DLG2: variants seen among roughly 807,000 people sequenced by gnomAD.
DLG2 encodes the protein disks large homolog 2.
Under a neutral mutation model 132.5 loss-of-function variants are expected in DLG2, and 45 were observed. That is an observed-to-expected ratio of 0.34 (90% CI 0.27 to 0.44). The LOEUF is 0.44. Among genes scored for constraint, DLG2 ranks in the 20% least tolerant of loss-of-function variants. DLG2 has a pLI of 1.00. For missense variants in DLG2, 1,045 were observed against 1,196.9 expected (o/e 0.87, Z 1.87); for synonymous variants, 424 against 419.6 (o/e 1.01, Z -0.13).
chr11:85,236,591 G>A (rs2075599600), intron 4 of DLG2, among the ~76,000 whole-genome samples: 1 of 151,850 alleles, frequency 6.6e-6, no homozygotes, highest in African/African-American at 2.4e-5. Context: ...GAGGTAATGG[G>A]GATTAGGGCT....
At chr11:84,019,000 C>T (rs1234183132) in intron 11 of DLG2, among the ~76,000 whole-genome samples, 3 of 151,784 alleles carry the variant, frequency 2.0e-5, no homozygotes, top group Non-Finnish European at 4.4e-5. Context: ...AGAGAAAGAA[C>T]TGTGATTATA....
At chr11:83,746,091 G>C (rs1017368919) in intron 18 of DLG2, among the ~76,000 whole-genome samples, 2 of 152,142 alleles carry the variant, frequency 1.3e-5, no homozygotes, top group Non-Finnish European at 1.5e-5. Context: ...GTGCTGGAGA[G>C]GATGTGGAGA....
At chr11:85,534,630 G>A (rs977828021) in intron 3 of DLG2, among the ~76,000 whole-genome samples, 1 of 152,152 alleles carries the variant, frequency 6.6e-6, no homozygotes, top group Non-Finnish European at 1.5e-5. Context: ...AATTTGCTTA[G>A]GATAAGGGCC....
At chr11:84,399,107 T>C (rs144272321) in intron 7 of DLG2, among the ~76,000 whole-genome samples, 6 of 152,260 alleles carry the variant, frequency 3.9e-5, no homozygotes, top group Non-Finnish European at 8.8e-5. Context: ...GGTACACACA[T>C]CTCTTAGTCT....
chr11:85,283,627 T>G (rs927409733), intron 4 of DLG2, among the ~76,000 whole-genome samples: 4 of 151,766 alleles, frequency 2.6e-5, no homozygotes, highest in Non-Finnish European at 5.9e-5. Flanking sequence ...CCAATAATCA[T>G]GTAAAAAGTT....
intron 6 of DLG2, chr11:84,923,198 T>C: frequency 6.2e-7 from 1 of 1,606,158 alleles, no homozygotes; most frequent in Non-Finnish European, 8.5e-7. Context: ...CCTGGGCATG[T>C]GCTACTAAAG....
intron 3 of DLG2, chr11:85,286,034 A>G (rs1349904661): frequency 2.5e-6 from 1 of 402,848 alleles, no homozygotes; most frequent in Non-Finnish European, 4.8e-6. Context: ...AAAGGAATGT[A>G]ACTGTATTAC....
chr11:85,109,292 T>A (rs971668809), intron 6 of DLG2, among the ~76,000 whole-genome samples: 8 of 152,122 alleles, frequency 5.3e-5, no homozygotes, highest in African/African-American at 1.7e-4. Context: ...AGTAAATTTA[T>A]GAAACCAGTA....
intron 3 of DLG2, among the ~76,000 whole-genome samples, chr11:85,597,906 T>TG (rs397750689): frequency 6.6e-6 from 1 of 151,584 alleles, no homozygotes; most frequent in Non-Finnish European, 1.5e-5. Context: ...GTTGTTTTTT[T>TG]GGGAAAAGTA....
chr11:84,661,697 G>A (rs151001517), intron 6 of DLG2, among the ~76,000 whole-genome samples: 25 of 152,244 alleles, frequency 1.6e-4, no homozygotes, highest in Admixed American at 2.6e-4. Context: ...CTGTAAGTCA[G>A]GTGGGGGAAA....
At chr11:84,714,906 TTCCC>T (rs1168913405) in intron 6 of DLG2, among the ~76,000 whole-genome samples, 1 of 152,042 alleles carries the variant, frequency 6.6e-6, no homozygotes, top group African/African-American at 2.4e-5. Flanking sequence ...CTTCTTCTGA[TTCCC>T]TCCCTTTTTT....
At chr11:84,951,179 A>T (rs1428872533) in intron 6 of DLG2, among the ~76,000 whole-genome samples, 1 of 152,210 alleles carries the variant, frequency 6.6e-6, no homozygotes, top group East Asian at 1.9e-4. Context: ...CACTGCAAGT[A>T]CCCATACCAT....
chr11:85,128,672 A>T (rs923353461), intron 5 of DLG2, among the ~76,000 whole-genome samples: 1 of 152,096 alleles, frequency 6.6e-6, no homozygotes, highest in Non-Finnish European at 1.5e-5. Flanking sequence ...TCTGCCTAAC[A>T]TTATTTTCCT....
chr11:84,979,719 C>T (rs1054613663), intron 6 of DLG2, among the ~76,000 whole-genome samples: 5 of 151,892 alleles, frequency 3.3e-5, no homozygotes, highest in African/African-American at 4.8e-5. Context: ...GACAAGTTAA[C>T]GGGTGCAGCA....
At chr11:85,604,426 A>C (rs113470727) in intron 2 of DLG2, among the ~76,000 whole-genome samples, 23 of 152,220 alleles carry the variant, frequency 1.5e-4, no homozygotes, top group Non-Finnish European at 2.9e-4. Flanking sequence ...GACAAATGGC[A>C]AGGATCTTTT....
intron 6 of DLG2, among the ~76,000 whole-genome samples, chr11:84,910,373 T>C (rs2091943811): frequency 6.6e-6 from 1 of 152,230 alleles, no homozygotes; most frequent in Non-Finnish European, 1.5e-5. Flanking sequence ...TACCTGAATT[T>C]TTTTCTTGAA....
intron 14 of DLG2, among the ~76,000 whole-genome samples, chr11:83,938,970 T>C (rs1188748417): frequency 6.6e-6 from 1 of 152,212 alleles, no homozygotes; most frequent in Non-Finnish European, 1.5e-5. Context: ...TGAGATACTT[T>C]CTACCTGATA....
intron 2 of DLG2, among the ~76,000 whole-genome samples, chr11:85,604,898 A>G (rs919972878): frequency 3.3e-5 from 5 of 152,192 alleles, no homozygotes; most frequent in Non-Finnish European, 7.4e-5. Context: ...GTGATTGGCA[A>G]TAGTGCTAAC....
At chr11:84,600,270 G>T (rs570774259) in intron 6 of DLG2, among the ~76,000 whole-genome samples, 1 of 152,220 alleles carries the variant, frequency 6.6e-6, no homozygotes, top group African/African-American at 2.4e-5. Context: ...CAGGCAGGCG[G>T]CAGGCCGGAC....
Sources: allele counts gnomAD v4.1 joint callset (sites outside exome capture counted in the v4.1 genomes callset), GRCh38; gene constraint gnomAD v4.1.1; transcripts MANE v1.5; gene names NCBI Gene and HGNC (gene_info 2026-07-23, HGNC 2026-07-21).